Variants in TDRP observed in about 807,000 individuals in gnomAD.
The protein encoded by TDRP is testis development-related protein.
Under a neutral mutation model 10.5 loss-of-function variants are expected in TDRP, and 12 were observed. The observed-to-expected ratio is 1.15, with a 90% CI of 0.73 to 1.86. The LOEUF is 1.86. TDRP is among the 40% of genes most tolerant of loss of function. The pLI, the probability that TDRP is intolerant of heterozygous loss-of-function variation, is 0.00. For synonymous variants in TDRP, 139 were observed against 95.4 expected (o/e 1.46, Z -2.67); for missense variants, 353 against 229.2 (o/e 1.54, Z -3.49).
intron 1 of TDRP, among the ~76,000 whole-genome samples, chr8:538,776 T>C (rs922778940): frequency 1.3e-5 from 2 of 152,202 alleles, no homozygotes; most frequent in Non-Finnish European, 2.9e-5. Flanking sequence ...CTATTGAATA[T>C]AAATAAGAGA....
At chr8:521,805 G>C (rs10100897) in intron 1 of TDRP, among the ~76,000 whole-genome samples, 3 of 151,906 alleles carry the variant, frequency 2.0e-5, no homozygotes, top group South Asian at 2.1e-4. Flanking sequence ...CATTGAACCA[G>C]TGGATTGCTG....
At chr8:525,369 G>C (rs920484329) in intron 1 of TDRP, among the ~76,000 whole-genome samples, 1 of 151,970 alleles carries the variant, frequency 6.6e-6, no homozygotes, top group Non-Finnish European at 1.5e-5. Context: ...ATTATCTGAA[G>C]GTACAAAACT....
chr8:508,614 G>A (rs1801529927), intron 1 of TDRP, among the ~76,000 whole-genome samples: 1 of 152,096 alleles, frequency 6.6e-6, no homozygotes, highest in Admixed American at 6.5e-5. Flanking sequence ...CTCTCACCAG[G>A]TCCTGCCCTT....
Position 533,941 on chromosome 8 carries a change from TA to T in TDRP, c.108+10708del, listed in dbSNP as rs1318038449. 6.6e-5 allele frequency among the ~76,000 whole-genome samples: 10 copies of T among 152,252 alleles called. No homozygotes were observed. In the East Asian group the frequency reaches 1.9e-3, roughly 29 times the overall value. On this transcript the variant is annotated intron_variant, in intron 1 of 2. Coordinates refer to ENST00000324079, the MANE Select transcript of TDRP (RefSeq NM_001384899.1). ...TACAAAACTCAAGCATGACAAAAAT[TA>T]AAAGTACACTGTCATGTTTACTGTA... is the stretch of plus-strand genomic sequence containing the variant.
intron 1 of TDRP, among the ~76,000 whole-genome samples, chr8:540,593 C>G (rs1305034572): frequency 6.6e-6 from 1 of 152,046 alleles, no homozygotes; most frequent in African/African-American, 2.4e-5. Context: ...GAATGATTCT[C>G]CTTACAAACC....
At chr8:501,793 C>G (rs1484288420) in intron 1 of TDRP, among the ~76,000 whole-genome samples, 2 of 152,228 alleles carry the variant, frequency 1.3e-5, no homozygotes, top group Non-Finnish European at 2.9e-5. Context: ...GGACTCAGTA[C>G]AGACGGTTTG....
In TDRP at chr8:501,108, G is replaced by C. The variant is rs191055733; in HGVS notation, c.109-6511C>G. ...TAGTCCCAGCTACTCTGGAGGCTGA[G>C]GCAGGAGAATGGCGTGAACCCGAGG... On this transcript the variant is annotated intron_variant, in intron 1 of 2. Coordinates refer to ENST00000324079, the MANE Select transcript of TDRP (RefSeq NM_001384899.1). 5.8e-3 allele frequency among the ~76,000 whole-genome samples: 875 copies of C among 152,026 alleles called. 19 individuals are homozygous for C. Among genetic ancestry groups the C allele is most frequent in the East Asian group, 0.04 (202 of 5,014 alleles).
chr8:527,987 A>C (rs1802080381), intron 1 of TDRP, among the ~76,000 whole-genome samples: 1 of 152,206 alleles, frequency 6.6e-6, no homozygotes, highest in Admixed American at 6.5e-5. Flanking sequence ...CAGAATGGGA[A>C]AAAATATCTG....
intron 1 of TDRP, among the ~76,000 whole-genome samples, chr8:541,229 C>T (rs572829973): frequency 6.6e-6 from 1 of 152,250 alleles, no homozygotes; most frequent in African/African-American, 2.4e-5. Context: ...ATAATTAACA[C>T]AAATTTTCTC....
intron 1 of TDRP, among the ~76,000 whole-genome samples, chr8:533,166 G>A (rs1802253207): frequency 6.6e-6 from 1 of 152,182 alleles, no homozygotes; most frequent in African/African-American, 2.4e-5. Flanking sequence ...GAGTTCTGAA[G>A]TGGAGAACCA....
At chr8:497,781 TG>T (rs1000845812) in intron 1 of TDRP, among the ~76,000 whole-genome samples, 1 of 152,210 alleles carries the variant, frequency 6.6e-6, no homozygotes, top group Non-Finnish European at 1.5e-5. Context: ...AATGGTTTTC[TG>T]GGCCAGGCCC....
At chr8:494,706 G>T in intron 1 of TDRP, 109 bp from the exon 2 acceptor site, 1 of 931,846 alleles carries the variant, frequency 1.1e-6, no homozygotes, top group Non-Finnish European at 1.6e-6. Flanking sequence ...AATTGGCAGA[G>T]CTTACATCTT....
chr8:540,590 T>C (rs1350497954), intron 1 of TDRP, among the ~76,000 whole-genome samples: 2 of 152,044 alleles, frequency 1.3e-5, no homozygotes, highest in Non-Finnish European at 2.9e-5. Context: ...AATGAATGAT[T>C]CTCCTTACAA....
chr8:511,046 A>G (rs1267663797), intron 1 of TDRP, among the ~76,000 whole-genome samples: 2 of 152,220 alleles, frequency 1.3e-5, no homozygotes, highest in African/African-American at 4.8e-5. Flanking sequence ...AATATACACA[A>G]TGCAAAAGAA....
chr8:545,373 C>T (rs1337707748), upstream of TDRP, among the ~76,000 whole-genome samples: 1 of 143,028 alleles, frequency 7.0e-6, no homozygotes, highest in African/African-American at 2.6e-5. Context: ...AGCCCCCACC[C>T]GGCCCCCGCA....
At chr8:519,369 A>G (rs1584870917) in intron 1 of TDRP, among the ~76,000 whole-genome samples, 1 of 152,146 alleles carries the variant, frequency 6.6e-6, no homozygotes, top group African/African-American at 2.4e-5. Context: ...ACTATTGGAC[A>G]TGACAGAGAG....
chr8:495,170 G>T (rs1801091016), intron 1 of TDRP, among the ~76,000 whole-genome samples: 1 of 152,122 alleles, frequency 6.6e-6, no homozygotes, highest in African/African-American at 2.4e-5. Flanking sequence ...GGAGGTCAAG[G>T]CTGCAGAGAA....
chr8:497,425 T>C (rs1801166975), intron 1 of TDRP, among the ~76,000 whole-genome samples: 1 of 152,214 alleles, frequency 6.6e-6, no homozygotes, highest in Non-Finnish European at 1.5e-5. Flanking sequence ...TGATTTAGGA[T>C]ATCTGGCAGA....
intron 1 of TDRP, among the ~76,000 whole-genome samples, chr8:531,176 T>C (rs569621184): frequency 2.6e-5 from 4 of 152,336 alleles, no homozygotes; most frequent in African/African-American, 9.6e-5. Context: ...TAAATGGCTT[T>C]TTTTTTCTCC....
Sources: gnomAD v4.1 joint callset for allele counts (sites outside exome capture counted in the v4.1 genomes callset) on GRCh38, gnomAD v4.1.1 for gene constraint, MANE v1.5 for transcripts, NCBI Gene and HGNC (gene_info 2026-07-23, HGNC 2026-07-21) for gene names.